The following DNAAF5 variants were observed in gnomAD, a reference collection of about 807,000 sequenced individuals.
DNAAF5 encodes the protein dynein axonemal assembly factor 5, also known as HEAT repeat containing 2.
A neutral mutation model predicts 75.8 loss-of-function variants in DNAAF5; 64 were observed. The observed-to-expected ratio is 0.84, with a 90% confidence interval of 0.69 to 1.04. The LOEUF is 1.04. Among genes scored for constraint, DNAAF5 ranks in the 50% least tolerant of loss-of-function variants. The pLI is 0.00. For synonymous variants in DNAAF5, 657 were observed against 557.2 expected, an observed-to-expected ratio of 1.18 and a Z score of -2.52; for missense variants, 1,269 against 1,178.5, an observed-to-expected ratio of 1.08 and a Z score of -1.12.
chr7:755,453 A>G (rs1406360052), intron 5 of DNAAF5, among the ~76,000 whole-genome samples: 5 of 152,244 alleles, frequency 3.3e-5, no homozygotes, highest in South Asian at 2.1e-4. Context: ...GATGCTTCCT[A>G]GTGCTCAGGA....
At chr7:762,016 G>T in intron 7 of DNAAF5, 120 bp downstream of exon 7, 2 of 88,766 alleles carry the variant, frequency 2.3e-5, no homozygotes, top group South Asian at 4.1e-4. Context: ...AAAGACCAGG[G>T]ATTGAGAACC....
chr7:728,291 C>T (rs992337076), intron 1 of DNAAF5, among the ~76,000 whole-genome samples: 2 of 152,246 alleles, frequency 1.3e-5, no homozygotes, highest in East Asian at 3.9e-4. Context: ...AATCCGTGGG[C>T]GGTAGGGAGC....
intron 3 of DNAAF5, 144 bp downstream of exon 3, chr7:741,087 C>A: frequency 1.9e-6 from 2 of 1,031,130 alleles, no homozygotes; most frequent in Non-Finnish European, 2.8e-6. Flanking sequence ...GTACAGAAGT[C>A]GTCTCGTTTT....
At chr7:743,674 C>A (rs1781993164) in intron 4 of DNAAF5, among the ~76,000 whole-genome samples, 4 of 124,896 alleles carry the variant, frequency 3.2e-5, no homozygotes, top group Admixed American at 2.8e-4. Flanking sequence ...GACAGAGTTT[C>A]ACTCTTGTTG....
At chr7:731,838 G>A (rs1296171675) in intron 2 of DNAAF5, among the ~76,000 whole-genome samples, 2 of 152,018 alleles carry the variant, frequency 1.3e-5, no homozygotes, top group Non-Finnish European at 2.9e-5. Context: ...TTCGTGTGGA[G>A]TCACGGTGCT....
chr7:754,583 T>C lies in DNAAF5; in HGVS notation c.1025-6T>C, dbSNP rs1441549232. The C allele has an allele frequency of 6.2e-7, 1 of 1,608,030 alleles. No individual in the cohort carries two copies. The highest frequency in any genetic ancestry group is 8.5e-7 in the Non-Finnish European group (1 of 1,175,442). ...TTCTCATTCTTCTTTCCCTTTTTCG[T>C]TCCAGAGCGCCGCCCTGTGCTGGGC... is the stretch of plus-strand genomic sequence containing the variant. On this transcript the variant is annotated splice_polypyrimidine_tract_variant and splice_region_variant and intron_variant, in intron 4 of 12. Coordinates refer to ENST00000297440, the MANE Select transcript of DNAAF5 (RefSeq NM_017802.4). The surrounding 1 kb of genome is among the most constrained non-coding windows in gnomAD (Gnocchi z 4.8).
chr7:727,032 G>A lies in DNAAF5; in HGVS notation c.312G>A (p.Leu104=). The A allele has an allele frequency of 8.8e-7, 1 of 1,131,736 alleles. No individual in the cohort carries two copies. The highest frequency in any genetic ancestry group is 1.1e-6 in the Non-Finnish European group (1 of 924,790). The allele number at this position is 1,131,736 out of a possible 1,614,324, so 70.1% of individuals were successfully genotyped here. A position where few individuals can be genotyped will look rare whatever the true frequency, so the allele number is the denominator to read the frequency against. The change falls in exon 1 of 13, where the codon CTG becomes CTA. Residue 104 remains leucine (L), a synonymous_variant. Coordinates refer to ENST00000297440, the MANE Select transcript of DNAAF5 (RefSeq NM_017802.4). The stretch of plus-strand genomic sequence containing the variant: ...CAGTGCACCTGCTGGATCTGGGCCT[G>A]CGCCGCGCCGCGCGGCCCCGCGATG... The part of the protein sequence containing the change: ...ALAVHLLDLG[L]RRAARPRDAL...
At chr7:746,407 C>T (rs1376556663) in intron 4 of DNAAF5, among the ~76,000 whole-genome samples, 1 of 79,586 alleles carries the variant, frequency 1.3e-5, no homozygotes, top group Non-Finnish European at 2.4e-5. Flanking sequence ...CCCTCCTTAC[C>T]GTCCTGCTGC....
intron 8 of DNAAF5, among the ~76,000 whole-genome samples, chr7:767,944 C>G (rs533236340): frequency 6.9e-6 from 1 of 145,476 alleles, no homozygotes; most frequent in East Asian, 2.2e-4. Context: ...ACACGTGGCT[C>G]CGGGCAGAAG....
In DNAAF5 at chr7:754,854, G is replaced by A. The variant is rs1310357943; in HGVS notation, c.1257+33G>A. The A allele has an allele frequency of 6.7e-7, 1 of 1,483,120 alleles. No homozygotes were observed. The highest frequency in any genetic ancestry group is 1.9e-5 in the Admixed American group (1 of 51,964). The allele number at this position is 1,483,120 out of a possible 1,614,324, so 91.9% of individuals were successfully genotyped here. On this transcript the variant is annotated intron_variant, in intron 5 of 12. Coordinates refer to ENST00000297440, the MANE Select transcript of DNAAF5 (RefSeq NM_017802.4). This position sits in a 1 kb window ranked among gnomAD's most constrained non-coding sequence, Gnocchi z 4.8. Reference sequence around the variant, plus strand: ...GCCGTATTCCAGTCGTGGTCGCGGAGCTGTAACTCGAGCTTAAGATCCCGC... The same window carrying A: ...GCCGTATTCCAGTCGTGGTCGCGGAACTGTAACTCGAGCTTAAGATCCCGC...
chr7:769,309 T>G (rs1778473062), intron 8 of DNAAF5: 2 of 667,260 alleles, frequency 3.0e-6, no homozygotes, highest in East Asian at 5.4e-5. Context: ...ACCCTGAGCC[T>G]TCAGCTCCTG....
At chr7:771,410 G>T (rs775186909) in intron 9 of DNAAF5, 1 of 152,328 alleles carries the variant, frequency 6.6e-6, no homozygotes, top group African/African-American at 2.4e-5. Flanking sequence ...ACCCCCGCCT[G>T]TGCGGCTGGA....
At position 780,147 on chromosome 7, in the gene DNAAF5, G is replaced by C; in HGVS notation, c.2431+3G>C. 1 of 1,613,490 alleles carries C rather than the reference G, an allele frequency of 6.2e-7. No individual in the cohort carries two copies. Among genetic ancestry groups the C allele is most frequent in the Non-Finnish European group, 8.5e-7 (1 of 1,179,548 alleles). On this transcript the variant is annotated splice_donor_region_variant and intron_variant, in intron 12 of 12. Transcript: ENST00000297440. ...GGCCATCCAGGATGCAATTTTAGGT[G>C]AGACTCCGACGGCTTGGCCTTCGTT...
intron 4 of DNAAF5, among the ~76,000 whole-genome samples, chr7:744,089 CT>C (rs1218060037): frequency 6.6e-6 from 1 of 152,068 alleles, no homozygotes; most frequent in Non-Finnish European, 1.5e-5. Context: ...TCCCTCCCCC[CT>C]CACCTCACCC....
chr7:726,991 G>A lies in DNAAF5; in HGVS notation c.271G>A (p.Gly91Ser). ...LLRCLSDPAE[G>S]CRALAVHLLD... ...GCGCTGCCTGAGCGACCCCGCCGAG[G>A]GCTGCCGCGCGCTGGCAGTGCACCT... The change falls in exon 1 of 13, where the codon GGC (glycine) becomes AGC (serine). Residue 91 changes from glycine (G) to serine (S), a missense_variant. Coordinates refer to ENST00000297440, the MANE Select transcript of DNAAF5 (RefSeq NM_017802.4). 4 of 1,268,128 alleles carry A rather than the reference G, an allele frequency of 3.2e-6. No individual in the cohort carries two copies. The highest frequency in any genetic ancestry group is 2.0e-6 in the Non-Finnish European group (2 of 1,002,428). 78.6% of individuals were successfully genotyped at this position (1,268,128 alleles called of 1,614,324 possible).
At chr7:766,479 G>T (rs1024380257) in intron 8 of DNAAF5, among the ~76,000 whole-genome samples, 6 of 152,160 alleles carry the variant, frequency 3.9e-5, no homozygotes, top group Admixed American at 1.3e-4. Context: ...TAAACTTTGA[G>T]AGGATGGGGG....
At chr7:776,834 T>C (rs1378178145) in intron 11 of DNAAF5, among the ~76,000 whole-genome samples, 1 of 152,226 alleles carries the variant, frequency 6.6e-6, no homozygotes, top group African/African-American at 2.4e-5. Context: ...GGAACCAGAC[T>C]GCACAGCAGG....
intron 12 of DNAAF5, among the ~76,000 whole-genome samples, chr7:780,986 G>A (rs112924055): frequency 5.3e-5 from 8 of 152,098 alleles, no homozygotes; most frequent in African/African-American, 1.9e-4. Flanking sequence ...AATCACATTG[G>A]GGAAATGGGG....
chr7:750,374 C>T (rs970287530), intron 4 of DNAAF5, among the ~76,000 whole-genome samples: 43 of 152,190 alleles, frequency 2.8e-4, no homozygotes, highest in Admixed American at 1.6e-3. Flanking sequence ...ACGCACCCCC[C>T]ACCGTTCAGC....
Sources: gnomAD v4.1 joint callset for allele counts (sites outside exome capture counted in the v4.1 genomes callset) on GRCh38, gnomAD v4.1.1 for gene constraint, Gnocchi (gnomAD v3.1) non-coding constraint, MANE v1.5 for transcripts, NCBI Gene and HGNC (gene_info 2026-07-23, HGNC 2026-07-21) for gene names.